Variants in KRTAP10-2 observed in about 807,000 individuals in gnomAD.
KRTAP10-2 encodes keratin-associated protein 10-2.
For missense variants in KRTAP10-2, 295 were observed against 319.5 expected, an observed-to-expected ratio of 0.92 and a Z score of 0.58; for synonymous variants, 134 against 135.5, an observed-to-expected ratio of 0.99 and a Z score of 0.08.
In KRTAP10-2 at chr21:44,550,763, G is replaced by A; in HGVS notation, c.696C>T (p.Ser232=). The change falls in exon 1 of 1, where the codon TCC becomes TCT. Residue 232 remains serine (S), a synonymous_variant. Transcript: ENST00000391621. ...GGGAGCACACGGGGCGGCAGAGGAG[G>A]GACACAGAGGAGGAGGGTCTGCAGC... The part of the protein sequence containing the change: ...SSCCRPSSSV[S]LLCRPVCSRP... 1 of 1,614,214 alleles carries A rather than the reference G, an allele frequency of 6.2e-7. No homozygotes were observed. The highest frequency in any genetic ancestry group is 8.5e-7 in the Non-Finnish European group (1 of 1,180,028).
Position 44,551,037 on chromosome 21 carries a change from C to G in KRTAP10-2, c.422G>C (p.Arg141Pro). Residue 141 changes from arginine to proline, a missense_variant, in exon 1 of 1, where the codon CGT becomes CCT. Physicochemically the swap from Arg to Pro is moderately radical, Grantham distance 103 (BLOSUM62 -2). Transcript: ENST00000391621. ...CASSSCQQSC[R>P]VPVCCKAVCC... ...CACAGCTTTGCAGCAGACAGGCACA[C>G]GGCAGGACTGCTGGCAGGAGGAAGA... is the stretch of plus-strand genomic sequence containing the variant. 2 of 1,612,362 alleles carry G rather than the reference C, an allele frequency of 1.2e-6. No homozygotes were observed. Among genetic ancestry groups the G allele is most frequent in the Non-Finnish European group, 1.7e-6 (2 of 1,179,516 alleles).
rs2053397377 is a variant in KRTAP10-2, at chr21:44,550,625, C to T, written c.*66G>A. 22 of 1,583,512 alleles carry T rather than the reference C, an allele frequency of 1.4e-5. No homozygotes were observed. The highest frequency in any genetic ancestry group is 2.6e-6 in the Non-Finnish European group (3 of 1,164,228). The stretch of plus-strand genomic sequence containing the variant: ...CTGAGCTGTGCTGAGGCTGGGTGGG[C>T]TGGGAGGTCCAAGGACTGGCAGGGA... On this transcript the variant is annotated 3_prime_UTR_variant, in exon 1 of 1. Transcript: ENST00000391621.
In KRTAP10-2 at chr21:44,551,053, A is replaced by C; in HGVS notation, c.406T>G (p.Cys136Gly). The C allele has an allele frequency of 6.2e-7, 1 of 1,612,116 alleles. No individual in the cohort carries two copies. Among genetic ancestry groups the C allele is most frequent in the Middle Eastern group, 1.7e-4 (1 of 6,060 alleles). ...ACAGGCACACGGCAGGACTGCTGGC[A>C]GGAGGAAGAGGCACAGCAAGCTGGC... is the stretch of plus-strand genomic sequence containing the variant. ...CQPACCASSS[C>G]QQSCRVPVCC... Residue 136 changes from cysteine (C) to glycine (G), a missense_variant, in exon 1 of 1, where the codon TGC (cysteine) becomes GGC (glycine). Transcript: ENST00000391621.
Position 44,551,132 on chromosome 21 carries a change from G to A in KRTAP10-2, c.327C>T (p.Cys109=). The A allele has an allele frequency of 6.4e-7, 1 of 1,563,432 alleles. No homozygotes were observed. Residue 109 remains cysteine (C), a synonymous_variant, in exon 1 of 1, where the codon TGC becomes TGT. Transcript: ENST00000391621. ...CCVPVCCKPV[C]CVPVCCGASS... ...AAGCCCCACAGCAGACGGGCACACA[G>A]CACACAGGCTTGCAGCAGACGGGCA...
At position 44,550,946 on chromosome 21, in the gene KRTAP10-2, A is replaced by G; in HGVS notation, c.513T>C (p.Ala171=). 3.3e-6 allele frequency: 5 copies of G among 1,503,594 alleles called. No homozygotes were observed. The highest frequency in any genetic ancestry group is 4.5e-6 in the Non-Finnish European group (5 of 1,109,490). 93.1% of individuals were successfully genotyped at this position (1,503,594 alleles called of 1,614,324 possible). A position where few individuals can be genotyped will look rare whatever the true frequency, so the allele number is the denominator to read the frequency against. ...GCTGACACGGGGAGGAGGTGCAGCA[A>G]GCCGGCTGGCAGCTAGACTGCTGGC... ...SCCQQSSCQP[A]CCTSSPCQQS... is the part of the protein sequence containing the mutation. Residue 171 remains alanine, a synonymous_variant, in exon 1 of 1, where the codon GCT becomes GCC. Transcript: ENST00000391621.
In KRTAP10-2 at chr21:44,550,432, C is replaced by G. The variant is rs2053389185; in HGVS notation, c.*259G>C. The stretch of plus-strand genomic sequence containing the variant: ...GGGGGTGAGACCCAGGTCAGGAGGG[C>G]CCATCCCCAACCAGCGACCAGCGAC... On this transcript the variant is annotated 3_prime_UTR_variant, in exon 1 of 1. Coordinates refer to ENST00000391621, the MANE Select transcript of KRTAP10-2 (RefSeq NM_198693.4). 1.5e-6 allele frequency: 1 copy of G among 645,556 alleles called. No individual in the cohort carries two copies. Among genetic ancestry groups the G allele is most frequent in the Non-Finnish European group, 2.7e-6 (1 of 368,510 alleles). 40.0% of individuals were successfully genotyped at this position (645,556 alleles called of 1,614,324 possible). A position where few individuals can be genotyped will look rare whatever the true frequency, so the allele number is the denominator to read the frequency against.
Position 44,550,715 on chromosome 21 carries a change from G to A in KRTAP10-2, c.744C>T (p.Ser248=). The part of the protein sequence containing the change: ...VCSRPASCSF[S]SGQKSSC ...ATCAGCAGCTAGACTTTTGGCCTGAGGAAAAGCTGCAGGAGGCTGGGCGGG... is the reference window on the plus strand; with the variant it reads ...ATCAGCAGCTAGACTTTTGGCCTGAAGAAAAGCTGCAGGAGGCTGGGCGGG... The change falls in exon 1 of 1, where the codon TCC becomes TCT. Residue 248 remains serine, a synonymous_variant. Transcript: ENST00000391621. 2 of 1,614,032 alleles carry A rather than the reference G, an allele frequency of 1.2e-6. No individual in the cohort carries two copies. The highest frequency in any genetic ancestry group is 1.7e-6 in the Non-Finnish European group (2 of 1,180,004).
chr21:44,551,014 C>G lies in KRTAP10-2; in HGVS notation c.445G>C (p.Val149Leu). Reference sequence around the variant, plus strand: ...TCAGAGCAGGTGGGCACGCAGCACACAGCTTTGCAGCAGACAGGCACACGG... The same window carrying G: ...TCAGAGCAGGTGGGCACGCAGCACAGAGCTTTGCAGCAGACAGGCACACGG... The part of the protein sequence containing the change: ...SCRVPVCCKA[V>L]CCVPTCSESS... Residue 149 changes from valine (V) to leucine (L), a missense_variant, in exon 1 of 1, where the codon GTG becomes CTG. Physicochemically the swap from Val to Leu is conservative, Grantham distance 32. Transcript: ENST00000391621. 1 of 1,610,106 alleles carries G rather than the reference C, an allele frequency of 6.2e-7. No individual in the cohort carries two copies. Among genetic ancestry groups the G allele is most frequent in the East Asian group, 2.2e-5 (1 of 44,760 alleles).
chr21:44,550,763 G>T lies in KRTAP10-2; in HGVS notation c.696C>A (p.Ser232=). ...GGGAGCACACGGGGCGGCAGAGGAG[G>T]GACACAGAGGAGGAGGGTCTGCAGC... ...SSCCRPSSSV[S]LLCRPVCSRP... Residue 232 remains serine, a synonymous_variant, in exon 1 of 1, where the codon TCC becomes TCA. Transcript: ENST00000391621. 2 of 1,614,214 alleles carry T rather than the reference G, an allele frequency of 1.2e-6. No individual in the cohort carries two copies. Among genetic ancestry groups the T allele is most frequent in the South Asian group, 2.2e-5 (2 of 91,084 alleles).
chr21:44,550,494 TGAG>T lies in KRTAP10-2; in HGVS notation c.*194_*196del, dbSNP rs781921445. On this transcript the variant is annotated 3_prime_UTR_variant, in exon 1 of 1. Transcript: ENST00000391621. Reference sequence around the variant, plus strand: ...TGTGGTCTGCAGCCAGGAAGCACCGTGAGGAGAAGCCAGGGCTCGCCCGCCCGG... The same window carrying T: ...TGTGGTCTGCAGCCAGGAAGCACCGTGAGAAGCCAGGGCTCGCCCGCCCGG... 250 of 824,850 alleles carry T rather than the reference TGAG, an allele frequency of 3.0e-4. 1 individual carries two copies. In the East Asian group the frequency reaches 3.2e-3, roughly 10 times the overall value. The allele number at this position is 824,850 out of a possible 1,614,324, so 51.1% of individuals were successfully genotyped here. A position where few individuals can be genotyped will look rare whatever the true frequency, so the allele number is the denominator to read the frequency against.
In KRTAP10-2 at chr21:44,550,441, A is replaced by G. The variant is rs1428943001; in HGVS notation, c.*250T>C. 1.6e-5 allele frequency: 11 copies of G among 673,178 alleles called. No individual in the cohort carries two copies. The highest frequency in any genetic ancestry group is 9.1e-5 in the African/African-American group (5 of 54,808). The allele number at this position is 673,178 out of a possible 1,614,324, so 41.7% of individuals were successfully genotyped here. A position where few individuals can be genotyped will look rare whatever the true frequency, so the allele number is the denominator to read the frequency against. On this transcript the variant is annotated 3_prime_UTR_variant, in exon 1 of 1. Transcript: ENST00000391621. Reference sequence around the variant, plus strand: ...ACCCAGGTCAGGAGGGCCCATCCCCAACCAGCGACCAGCGACCAGCGGAGG... The same window carrying G: ...ACCCAGGTCAGGAGGGCCCATCCCCGACCAGCGACCAGCGACCAGCGGAGG...
At chr21:44,550,702 AC>A (rs1206868587) in intron 1 of KRTAP10-2, 1 of 1,613,694 alleles carries the variant, frequency 6.2e-7, no homozygotes, top group African/African-American at 1.3e-5. Context: ...CAGCAGCTAG[AC>A]TTTTGGCCTG....
At position 44,551,497 on chromosome 21, in the gene KRTAP10-2, A is replaced by AGTGAGTGAGTGT. The variant is rs6147532; in HGVS notation, c.-40_-39insACACTCACTCAC. On this transcript the variant is annotated 5_prime_UTR_variant, in exon 1 of 1. Transcript: ENST00000391621. ...GGAGGTGAGCTGGGGGAGGTGTGTG[A>AGTGAGTGAGTGT]GTGAGTGAGTGTGTGTGTGAGTGTG... The AGTGAGTGAGTGT allele has an allele frequency of 0.79, 1,218,033 of 1,548,640 alleles. 483,464 individuals carry two copies. The highest frequency in any genetic ancestry group is 0.84 in the South Asian group (67,678 of 80,952).
At position 44,550,579 on chromosome 21, in the gene KRTAP10-2, G is replaced by T. The variant is rs2053396198; in HGVS notation, c.*112C>A. 2 of 1,472,832 alleles carry T rather than the reference G, an allele frequency of 1.4e-6. No individual in the cohort carries two copies. The highest frequency in any genetic ancestry group is 1.8e-6 in the Non-Finnish European group (2 of 1,087,874). The allele number at this position is 1,472,832 out of a possible 1,614,324, so 91.2% of individuals were successfully genotyped here. A position where few individuals can be genotyped will look rare whatever the true frequency, so the allele number is the denominator to read the frequency against. ...GAGACCCCGGGGCTGGGCGGCTGTG[G>T]CTGGGGCTGCTCCTTCTGTGCTGAG... On this transcript the variant is annotated 3_prime_UTR_variant, in exon 1 of 1. Coordinates refer to ENST00000391621, the MANE Select transcript of KRTAP10-2 (RefSeq NM_198693.4).
In KRTAP10-2 at chr21:44,550,839, G is replaced by A. The variant is rs2053406142; in HGVS notation, c.620C>T (p.Ser207Phe). 2 of 1,534,706 alleles carry A rather than the reference G, an allele frequency of 1.3e-6. No homozygotes were observed. The highest frequency in any genetic ancestry group is 1.8e-6 in the Non-Finnish European group (2 of 1,129,440). ...GCAGCTAGACTGCTGGCAGCACGGA[G>A]AGGAAGCCCCAGAGCAAACAGGTAC... The part of the protein sequence containing the change: ...CCVPVCSGAS[S>F]PCCQQSSCQP... Residue 207 changes from serine (S) to phenylalanine (F), a missense_variant, in exon 1 of 1, where the codon TCT becomes TTT. Coordinates refer to ENST00000391621, the MANE Select transcript of KRTAP10-2 (RefSeq NM_198693.4).
In KRTAP10-2 at chr21:44,551,223, C is replaced by T. The variant is rs782391999; in HGVS notation, c.236G>A (p.Cys79Tyr). 6.3e-7 allele frequency: 1 copy of T among 1,590,890 alleles called. No homozygotes were observed. Among genetic ancestry groups the T allele is most frequent in the Non-Finnish European group, 8.6e-7 (1 of 1,159,902 alleles). Residue 79 changes from cysteine (C) to tyrosine (Y), a missense_variant, in exon 1 of 1, where the codon TGC (cysteine) becomes TAC (tyrosine). Transcript: ENST00000391621. ...CGGCTGGCAGCTAGACTGCTGGCAG[C>T]ACGAGGGCGTGCAGGAGCTGGTGCA... The part of the protein sequence containing the change: ...SGCTSSCTPS[C>Y]CQQSSCQPAC...
chr21:44,550,639 G>C lies in KRTAP10-2; in HGVS notation c.*52C>G, dbSNP rs1555918441. The stretch of plus-strand genomic sequence containing the variant: ...GGCTGGGTGGGCTGGGAGGTCCAAG[G>C]ACTGGCAGGGAGGTGGGGCCTGAGC... On this transcript the variant is annotated 3_prime_UTR_variant, in exon 1 of 1. Transcript: ENST00000391621. The C allele has an allele frequency of 1.9e-6, 3 of 1,597,442 alleles. No homozygotes were observed. The highest frequency in any genetic ancestry group is 2.6e-6 in the Non-Finnish European group (3 of 1,171,522).
rs782164251 is a variant in KRTAP10-2 at position 44,551,414 on chromosome 21, G to A, written c.45C>T (p.Asn15=). 1.2e-5 allele frequency: 20 copies of A among 1,613,394 alleles called. No homozygotes were observed. The highest frequency in any genetic ancestry group is 2.2e-5 in the East Asian group (1 of 44,870). ...CTGGGCAGTCGTCCACCTGCCAGGA[G>A]TTGGTGCAGGCGCTGGAGCAGATGG... ...TMSICSSACT[N]SWQVDDCPES... is the part of the protein sequence containing the mutation. The change falls in exon 1 of 1, where the codon AAC becomes AAT. Residue 15 remains asparagine (N), a synonymous_variant. Coordinates refer to ENST00000391621, the MANE Select transcript of KRTAP10-2 (RefSeq NM_198693.4).
Position 44,551,447 on chromosome 21 carries a change from G to A in KRTAP10-2, c.12C>T (p.Ser4=), listed in dbSNP as rs587619824. Residue 4 remains serine (S), a synonymous_variant, in exon 1 of 1, where the codon TCC becomes TCT. Coordinates refer to ENST00000391621, the MANE Select transcript of KRTAP10-2 (RefSeq NM_198693.4). ...AGGCGCTGGAGCAGATGGACATGGT[G>A]GAGGCGGCCATGCTGGAGTGGGGAG... MAA[S]TMSICSSACT... 25 of 1,610,816 alleles carry A rather than the reference G, an allele frequency of 1.6e-5. No individual in the cohort carries two copies. The highest frequency in any genetic ancestry group is 2.2e-5 in the East Asian group (1 of 44,870).
Sources: gnomAD v4.1 joint callset for allele counts on GRCh38, gnomAD v4.1.1 for gene constraint, MANE v1.5 for transcripts, NCBI Gene and HGNC (gene_info 2026-07-23, HGNC 2026-07-21) for gene names.